Variants in CHD3 observed in about 807,000 individuals in gnomAD.
CHD3 encodes ATP-dependent chromatin remodeler CHD3.
CHD3 carries 52 observed loss-of-function variants against 248.9 expected under a neutral mutation model. That is an observed-to-expected ratio of 0.21 (90% CI 0.17 to 0.26). The LOEUF (loss-of-function observed/expected upper bound fraction) is 0.26. Among genes scored for constraint, CHD3 ranks in the 10% least tolerant of loss-of-function variants. CHD3 has a pLI of 1.00. For synonymous variants in CHD3, 985 were observed against 985.2 expected, an observed-to-expected ratio of 1.00 and a Z score of 0.00; for missense variants, 1,482 against 2,605.8, an observed-to-expected ratio of 0.57 and a Z score of 9.39.
intron 10 of CHD3, 103 bp from the exon 11 acceptor site, chr17:7,896,980 T>A: frequency 2.2e-6 from 2 of 929,932 alleles, no homozygotes; most frequent in Non-Finnish European, 3.4e-6. Context: ...TTTTCATAGC[T>A]CCCTTTCCCT....
At position 7,903,715 on chromosome 17, in the gene CHD3, GA is replaced by G; in HGVS notation, c.3728-105del. ...AAACCTTTCAACATTGGCTCCCGGG[GA>G]AAAAGCCTTCTCTAGGGCTCCTGTG... On this transcript the variant is annotated intron_variant, in intron 23 of 39. Transcript: ENST00000330494. The surrounding 1 kb of genome is among the most constrained non-coding windows in gnomAD (Gnocchi z 6.8). The G allele has an allele frequency of 6.3e-6, 8 of 1,277,600 alleles. No homozygotes were observed. Among genetic ancestry groups the G allele is most frequent in the South Asian group, 2.9e-5 (2 of 67,884 alleles). The allele number at this position is 1,277,600 out of a possible 1,614,324, so 79.1% of individuals were successfully genotyped here.
rs1174428017 is a variant in CHD3 at position 7,905,646 on chromosome 17, C to G, written c.4164C>G (p.Leu1388=). The part of the protein sequence containing the change: ...PEGRRQSKRQ[L]RNEKDKPLPP... ...GGCGTAGACAGTCAAAGAGGCAGCT[C>G]CGGAATGAGAAAGATAAGCCACTGC... The change falls in exon 27 of 40, where the codon CTC becomes CTG. Residue 1388 remains leucine, a synonymous_variant. Transcript: ENST00000330494. The surrounding 1 kb of genome is among the most constrained non-coding windows in gnomAD (Gnocchi z 5.8). 2 of 1,607,272 alleles carry G rather than the reference C, an allele frequency of 1.2e-6. No individual in the cohort carries two copies. Among genetic ancestry groups the G allele is most frequent in the Non-Finnish European group, 1.7e-6 (2 of 1,176,414 alleles).
Position 7,890,933 on chromosome 17 carries a change from C to G in CHD3, c.385-7C>G. 3.7e-6 allele frequency: 6 copies of G among 1,614,000 alleles called. No individual in the cohort carries two copies. Among genetic ancestry groups the G allele is most frequent in the East Asian group, 2.2e-5 (1 of 44,892 alleles). Reference sequence around the variant, plus strand: ...GCACCTACTTCACCAAAGCCCCTCTCCCGCAGCAAGTGGAACAGAAGTCAT... The same window carrying G: ...GCACCTACTTCACCAAAGCCCCTCTGCCGCAGCAAGTGGAACAGAAGTCAT... On this transcript the variant is annotated splice_region_variant and splice_polypyrimidine_tract_variant and intron_variant, in intron 3 of 39. Transcript: ENST00000330494.
rs1359327192 is a variant in CHD3, at chr17:7,909,399, C to T, written c.5590+61C>T. ...CACAACGCTGCGTAAGTCTTCACCC[C>T]GCACCCCTCAAAATCTTCCCACCCC... On this transcript the variant is annotated intron_variant, in intron 37 of 39. Transcript: ENST00000330494. The surrounding 1 kb of genome is among the most constrained non-coding windows in gnomAD (Gnocchi z 8.1). 2.4e-5 allele frequency: 36 copies of T among 1,475,830 alleles called. No individual in the cohort carries two copies. Among genetic ancestry groups the T allele is most frequent in the East Asian group, 1.3e-4 (5 of 39,922 alleles). The allele number at this position is 1,475,830 out of a possible 1,614,324, so 91.4% of individuals were successfully genotyped here. A position where few individuals can be genotyped will look rare whatever the true frequency, so the allele number is the denominator to read the frequency against.
At position 7,906,545 on chromosome 17, in the gene CHD3, C is replaced by T. The variant is rs1355230131; in HGVS notation, c.4359-8C>T. 1 of 1,613,642 alleles carries T rather than the reference C, an allele frequency of 6.2e-7. No homozygotes were observed. Among genetic ancestry groups the T allele is most frequent in the Non-Finnish European group, 8.5e-7 (1 of 1,179,930 alleles). ...CCCTAACCCTCCTCCCACTCCCATG[C>T]TCCTTAGGGCCTATGTGTCTTTGTT... is the stretch of plus-strand genomic sequence containing the variant. On this transcript the variant is annotated splice_region_variant and splice_polypyrimidine_tract_variant and intron_variant, in intron 28 of 39. Transcript: ENST00000330494. This position sits in a 1 kb window ranked among gnomAD's most constrained non-coding sequence, Gnocchi z 5.0.
rs1276632879 is a variant in CHD3 at position 7,899,039 on chromosome 17, G to A, written c.2180G>A (p.Arg727Gln). The stretch of plus-strand genomic sequence containing the variant: ...ACCGTGAAATATGAGACTCAGCCAC[G>A]GTTTATCACAGCCACTGGAGGCACC... ...DPTVKYETQP[R>Q]FITATGGTLH... is the part of the protein sequence containing the mutation. The change falls in exon 14 of 40, where the codon CGG becomes CAG. Residue 727 changes from arginine (R) to glutamine (Q), a missense_variant. Transcript: ENST00000330494. This position sits in a 1 kb window ranked among gnomAD's most constrained non-coding sequence, Gnocchi z 6.8. 4 of 1,614,070 alleles carry A rather than the reference G, an allele frequency of 2.5e-6. No homozygotes were observed. Among genetic ancestry groups the A allele is most frequent in the East Asian group, 2.2e-5 (1 of 44,880 alleles).
At chr17:7,893,705 C>G in intron 5 of CHD3, 100 bp from the exon 6 acceptor site, 1 of 1,535,126 alleles carries the variant, frequency 6.5e-7, no homozygotes, top group African/African-American at 1.4e-5. Context: ...CTTAGTGAAA[C>G]CACAGCCCAC....
chr17:7,888,125 C>T (rs74468381), upstream of CHD3, among the ~76,000 whole-genome samples: 1,670 of 152,304 alleles, frequency 0.011, 26 homozygotes, highest in East Asian at 0.029. Context: ...TGGGGCATGG[C>T]GCCTTCCTTG....
rs201425133 is a variant in CHD3, at chr17:7,908,688, C to T, written c.5262-9C>T. The T allele has an allele frequency of 1.1e-4, 178 of 1,613,832 alleles. 1 individual carries two copies. In the South Asian group the frequency reaches 1.7e-3, roughly 16 times the overall value. ...AATTCCTTGATGGTTCCTTTTCCTTCATTGGTAGCCATGGCTATGCACGGT... is the reference window on the plus strand; with the variant it reads ...AATTCCTTGATGGTTCCTTTTCCTTTATTGGTAGCCATGGCTATGCACGGT... On this transcript the variant is annotated splice_polypyrimidine_tract_variant and intron_variant, in intron 35 of 39. Transcript: ENST00000330494. This position sits in a 1 kb window ranked among gnomAD's most constrained non-coding sequence, Gnocchi z 5.8.
At position 7,906,091 on chromosome 17, in the gene CHD3, AT is replaced by A; in HGVS notation, c.4358+104del. 1 of 1,487,806 alleles carries A rather than the reference AT, an allele frequency of 6.7e-7. No individual in the cohort carries two copies. The highest frequency in any genetic ancestry group is 9.3e-7 in the Non-Finnish European group (1 of 1,074,592). The allele number at this position is 1,487,806 out of a possible 1,614,324, so 92.2% of individuals were successfully genotyped here. A position where few individuals can be genotyped will look rare whatever the true frequency, so the allele number is the denominator to read the frequency against. ...CATATGATGTGACCTTACTCAACTGATTATCACCCTCCCTGTCATACAATAC... is the reference window on the plus strand; with the variant it reads ...CATATGATGTGACCTTACTCAACTGATATCACCCTCCCTGTCATACAATAC... On this transcript the variant is annotated intron_variant, in intron 28 of 39. Transcript: ENST00000330494. This position sits in a 1 kb window ranked among gnomAD's most constrained non-coding sequence, Gnocchi z 5.0.
Position 7,893,753 on chromosome 17 carries a change from A to G in CHD3, c.794-52A>G, listed in dbSNP as rs540486635. 1.0e-4 allele frequency: 166 copies of G among 1,593,192 alleles called. 2 individuals are homozygous for G. The South Asian group carries it at 1.8e-3, about 17-fold the overall frequency. ...AGGCCCCTGTGACCTCCATAATTCC[A>G]GGATGTCATGACCTCTCCTTTTTCC... On this transcript the variant is annotated intron_variant, in intron 5 of 39. Coordinates refer to ENST00000330494, the MANE Select transcript of CHD3 (RefSeq NM_001005273.3).
At position 7,897,910 on chromosome 17, in the gene CHD3, T is replaced by C. The variant is rs897188195; in HGVS notation, c.1920-61T>C. On this transcript the variant is annotated intron_variant, in intron 11 of 39. Transcript: ENST00000330494. The surrounding 1 kb of genome is among the most constrained non-coding windows in gnomAD (Gnocchi z 4.8). ...ATAATTGCGTTTCTCAGGCCTTCTT[T>C]CTGTTTGTGATCTGTGCAATATTTT... 2 of 1,537,244 alleles carry C rather than the reference T, an allele frequency of 1.3e-6. No homozygotes were observed.
At position 7,899,603 on chromosome 17, in the gene CHD3, C is replaced by A; in HGVS notation, c.2544+60C>A. ...CAAAGCTGTCACTTCTTTTTCTCAG[C>A]CAGGAATTCAGTTTCTCTATTCCCC... On this transcript the variant is annotated intron_variant, in intron 15 of 39. Transcript: ENST00000330494. This position sits in a 1 kb window ranked among gnomAD's most constrained non-coding sequence, Gnocchi z 6.8. The A allele has an allele frequency of 6.5e-7, 1 of 1,539,624 alleles. No individual in the cohort carries two copies. Among genetic ancestry groups the A allele is most frequent in the Non-Finnish European group, 8.9e-7 (1 of 1,121,356 alleles).
rs1262589155 is a variant in CHD3, at chr17:7,904,090, A to C, written c.3894+99A>C. The C allele has an allele frequency of 7.7e-7, 1 of 1,300,082 alleles. No homozygotes were observed. 80.5% of individuals were successfully genotyped at this position (1,300,082 alleles called of 1,614,324 possible). ...GAAGTAGGAGGGTCTGTCCCCCTTA[A>C]AACAGTAGTGGACCTCAAACAACTT... On this transcript the variant is annotated intron_variant, in intron 24 of 39. Coordinates refer to ENST00000330494, the MANE Select transcript of CHD3 (RefSeq NM_001005273.3). The surrounding 1 kb of genome is among the most constrained non-coding windows in gnomAD (Gnocchi z 4.4).
At chr17:7,891,939 T>C (rs1330628954) in intron 4 of CHD3, among the ~76,000 whole-genome samples, 1 of 152,156 alleles carries the variant, frequency 6.6e-6, no homozygotes, top group African/African-American at 2.4e-5. Context: ...AGTTCAGTGC[T>C]CTGGAGGCAG....
At position 7,910,307 on chromosome 17, in the gene CHD3, T is replaced by G; in HGVS notation, c.5591-121T>G. 30 of 1,169,068 alleles carry G rather than the reference T, an allele frequency of 2.6e-5. No homozygotes were observed. The highest frequency in any genetic ancestry group is 3.3e-5 in the Non-Finnish European group (26 of 781,710). The allele number at this position is 1,169,068 out of a possible 1,614,324, so 72.4% of individuals were successfully genotyped here. ...GATCTCTGGTTCTTTGACATCTGTG[T>G]TCTCCTCTCTCGCTCTTTTTCTGCC... On this transcript the variant is annotated intron_variant, in intron 37 of 39. Coordinates refer to ENST00000330494, the MANE Select transcript of CHD3 (RefSeq NM_001005273.3). The surrounding 1 kb of genome is among the most constrained non-coding windows in gnomAD (Gnocchi z 4.7).
At position 7,898,104 on chromosome 17, in the gene CHD3, TG is replaced by T; in HGVS notation, c.2051+3del. 6.2e-6 allele frequency: 10 copies of T among 1,612,668 alleles called. No individual in the cohort carries two copies. The highest frequency in any genetic ancestry group is 8.5e-6 in the Non-Finnish European group (10 of 1,179,458). On this transcript the variant is annotated splice_donor_region_variant and intron_variant, in intron 12 of 39. Coordinates refer to ENST00000330494, the MANE Select transcript of CHD3 (RefSeq NM_001005273.3). ...TAAGCAAAGCTACTGGAGACACCGG[TG>T]AGGGAATGAGCTTGTGGATTCAAGG...
chr17:7,896,227 C>CA (rs750972677), intron 10 of CHD3, among the ~76,000 whole-genome samples: 5,006 of 57,398 alleles, frequency 0.087, 385 homozygotes, highest in African/African-American at 0.19. Context: ...CACTCTATCT[C>CA]AAAAAAAAAA....
At chr17:7,887,205 C>A (rs181729288), upstream of CHD3, among the ~76,000 whole-genome samples, 15 of 152,294 alleles carry the variant, frequency 9.8e-5, no homozygotes, top group Middle Eastern at 3.4e-3. Context: ...CTAGAGTATG[C>A]ATTTGTGCAC....
Sources: allele counts gnomAD v4.1 joint callset (sites outside exome capture counted in the v4.1 genomes callset), GRCh38; gene constraint gnomAD v4.1.1; non-coding constraint Gnocchi (gnomAD v3.1); transcripts MANE v1.5; gene names NCBI Gene and HGNC (gene_info 2026-07-23, HGNC 2026-07-21).